The following ETV1 variants were observed in gnomAD, a reference collection of about 807,000 sequenced individuals.
ETV1 encodes the protein ETS translocation variant 1.
In ETV1, 27 loss-of-function variants were observed where a neutral mutation model predicts 62.3. That is an observed-to-expected ratio of 0.43 (90% confidence interval 0.32 to 0.60). The LOEUF is 0.60. Among genes scored for constraint, ETV1 ranks in the 20% least tolerant of loss-of-function variants. The probability of loss-of-function intolerance (pLI) is 0.06; values close to 1 mark genes in which losing one functional copy is unlikely to be tolerated. For synonymous variants in ETV1, 222 were observed against 199.6 expected, an observed-to-expected ratio of 1.11 and a Z score of -0.94; for missense variants, 605 against 605.8, an observed-to-expected ratio of 1.00 and a Z score of 0.01.
rs150921564 is a variant in ETV1, at chr7:13,938,488, T to G, written c.365+629A>C. ...CAGTAGAGACAGCCAACTTTTTCTTTATGCAATTAAAGGCCAATATGAAAA... is the reference window on the plus strand; with the variant it reads ...CAGTAGAGACAGCCAACTTTTTCTTGATGCAATTAAAGGCCAATATGAAAA... On this transcript the variant is annotated intron_variant, in intron 7 of 13. Transcript: ENST00000430479. Among the ~76,000 whole-genome samples the G allele has an allele frequency of 5.9e-3, 900 of 152,370 alleles. 7 individuals are homozygous for G. Among genetic ancestry groups the G allele is most frequent in the African/African-American group, 0.021 (862 of 41,590 alleles).
chr7:13,940,372 G>GA (rs749894188), intron 6 of ETV1, among the ~76,000 whole-genome samples: 12 of 66,728 alleles, frequency 1.8e-4, no homozygotes, highest in East Asian at 6.1e-4. Context: ...AAAAAAAAAA[G>GA]AAAAAAAAGA....
At chr7:13,918,050 G>A (rs1156682883) in intron 9 of ETV1, among the ~76,000 whole-genome samples, 1 of 151,896 alleles carries the variant, frequency 6.6e-6, no homozygotes, top group Non-Finnish European at 1.5e-5. Flanking sequence ...AAGAGATAGT[G>A]GTTTTAATGT....
At chr7:13,897,607 T>G (rs1462391640) in intron 13 of ETV1, among the ~76,000 whole-genome samples, 1 of 152,034 alleles carries the variant, frequency 6.6e-6, no homozygotes, top group Non-Finnish European at 1.5e-5. Context: ...CATTGCAAGG[T>G]TGGGATGGAA....
chr7:13,988,595 G>A (rs1195362792), intron 3 of ETV1: 120 of 811,036 alleles, frequency 1.5e-4, no homozygotes, highest in Admixed American at 7.6e-4. Flanking sequence ...GTAGAGAAAT[G>A]AAAAAAAAAA....
intron 6 of ETV1, among the ~76,000 whole-genome samples, chr7:13,972,965 G>C (rs1781056225): frequency 1.3e-5 from 2 of 152,070 alleles, no homozygotes; most frequent in Non-Finnish European, 2.9e-5. Flanking sequence ...ATCCTTCAAA[G>C]GTTAGCAATC....
rs528318040 is a variant in ETV1, at chr7:13,977,700, A to C, written c.182-220T>G. 5.3e-5 allele frequency among the ~76,000 whole-genome samples: 8 copies of C among 152,258 alleles called. No homozygotes were observed. The South Asian group carries it at 1.7e-3, about 32-fold the overall frequency. ...ACCTAGGAACCATATATATGTCAGA[A>C]ATAGGATGATGGCAGGTGTATTCCC... On this transcript the variant is annotated intron_variant, in intron 5 of 13. Transcript: ENST00000430479.
chr7:13,893,110 T>A lies in ETV1; in HGVS notation c.*2756A>T. On this transcript the variant is annotated 3_prime_UTR_variant, in exon 14 of 14. Coordinates refer to ENST00000430479, the MANE Select transcript of ETV1 (RefSeq NM_004956.5). ...TTATTTTTACTTAGTTATTTGAGTA[T>A]AAGTGTTTGTTGCAATTAATCTATT... 4.3e-6 allele frequency: 1 copy of A among 232,694 alleles called. No homozygotes were observed. Among genetic ancestry groups the A allele is most frequent in the Non-Finnish European group, 8.5e-6 (1 of 117,734 alleles). The allele number at this position is 232,694 out of a possible 1,614,324, so 14.4% of individuals were successfully genotyped here.
In ETV1 at chr7:13,932,507, T is replaced by C. The variant is rs1481216467; in HGVS notation, c.555-758A>G. ...CTCCAAAGGTGAAAATAACATATAGTGTTGTATAGGTTTGGGGCAAGTCCC... is the reference window on the plus strand; with the variant it reads ...CTCCAAAGGTGAAAATAACATATAGCGTTGTATAGGTTTGGGGCAAGTCCC... On this transcript the variant is annotated intron_variant, in intron 8 of 13. Transcript: ENST00000430479. Among the ~76,000 whole-genome samples, 4 of 151,988 alleles carry C rather than the reference T, an allele frequency of 2.6e-5. No homozygotes were observed. In the East Asian group the frequency reaches 7.7e-4, roughly 29 times the overall value.
chr7:13,979,617 A>C (rs2214683), intron 5 of ETV1, among the ~76,000 whole-genome samples: 1 of 151,926 alleles, frequency 6.6e-6, no homozygotes, highest in Non-Finnish European at 1.5e-5. Context: ...CCATTATATC[A>C]TTGTTTTGGT....
chr7:13,923,447 G>T (rs1467652190), intron 9 of ETV1, among the ~76,000 whole-genome samples: 1 of 152,130 alleles, frequency 6.6e-6, no homozygotes, highest in African/African-American at 2.4e-5. Flanking sequence ...TAAATTTCTT[G>T]ATTAAAGTGC....
At chr7:13,948,616 G>A (rs988719963) in intron 6 of ETV1, among the ~76,000 whole-genome samples, 2 of 152,004 alleles carry the variant, frequency 1.3e-5, no homozygotes, top group East Asian at 1.9e-4. Flanking sequence ...CATTCATTTC[G>A]GTCTAGTCTA....
chr7:13,956,641 A>C (rs996599592), intron 6 of ETV1, among the ~76,000 whole-genome samples: 5 of 152,366 alleles, frequency 3.3e-5, no homozygotes, highest in African/African-American at 1.2e-4. Context: ...GGAAATAGAA[A>C]ATCTCAGCAT....
chr7:13,906,297 G>T, intron 12 of ETV1, 133 bp downstream of exon 12: 1 of 580,042 alleles, frequency 1.7e-6, no homozygotes, highest in Non-Finnish European at 2.8e-6. Flanking sequence ...ATCTTTGCAT[G>T]CTTTTTAATT....
chr7:13,943,594 A>C (rs1212311116), intron 6 of ETV1, among the ~76,000 whole-genome samples: 2 of 152,240 alleles, frequency 1.3e-5, no homozygotes, highest in African/African-American at 4.8e-5. Context: ...TATTCATGAT[A>C]GCAAAAACTG....
chr7:13,944,568 G>A (rs927372062), intron 6 of ETV1, among the ~76,000 whole-genome samples: 3 of 152,046 alleles, frequency 2.0e-5, no homozygotes, highest in East Asian at 1.9e-4. Flanking sequence ...GTGGTGAGAC[G>A]GGGACACAAA....
At chr7:13,985,820 C>T (rs1782497706) in intron 5 of ETV1, among the ~76,000 whole-genome samples, 2 of 152,144 alleles carry the variant, frequency 1.3e-5, no homozygotes, top group Non-Finnish European at 2.9e-5. Context: ...CAACATTAGG[C>T]ATTTTTGAAG....
chr7:13,987,498 C>T (rs1462079765), intron 4 of ETV1, among the ~76,000 whole-genome samples: 2 of 152,114 alleles, frequency 1.3e-5, no homozygotes, highest in African/African-American at 4.8e-5. Flanking sequence ...TAAAAAGAAT[C>T]TGCAAACTAA....
chr7:13,963,522 C>T (rs61061043), intron 6 of ETV1, among the ~76,000 whole-genome samples: 3,644 of 139,068 alleles, frequency 0.026, 148 homozygotes, highest in African/African-American at 0.098. Flanking sequence ...ATTTTAATAC[C>T]AATCTTGGCA....
intron 6 of ETV1, among the ~76,000 whole-genome samples, chr7:13,945,694 T>C (rs894742662): frequency 2.0e-5 from 3 of 152,054 alleles, no homozygotes; most frequent in Non-Finnish European, 2.9e-5. Flanking sequence ...GAGACTCCCA[T>C]TAGAGAGGGC....
Sources: allele counts gnomAD v4.1 joint callset (sites outside exome capture counted in the v4.1 genomes callset), GRCh38; gene constraint gnomAD v4.1.1; transcripts MANE v1.5; gene names NCBI Gene and HGNC (gene_info 2026-07-23, HGNC 2026-07-21).